Variants in CACNA2D4 observed in about 807,000 individuals in gnomAD.
The protein encoded by CACNA2D4 is calcium voltage-gated channel auxiliary subunit alpha2delta 4.
CACNA2D4 carries 157 observed loss-of-function variants against 163.8 expected under a neutral mutation model. The observed-to-expected ratio is 0.96, with a 90% CI of 0.84 to 1.09. The LOEUF (loss-of-function observed/expected upper bound fraction) is 1.09. CACNA2D4 is among the 50% of genes least tolerant of loss of function. CACNA2D4 has a pLI of 0.00. For missense variants in CACNA2D4, 1,410 were observed against 1,479.9 expected (o/e 0.95, Z 0.78); for synonymous variants, 598 against 586.9 (o/e 1.02, Z -0.27).
rs775588255 is a variant in CACNA2D4, at chr12:1,811,688, G to A, written c.2587C>T (p.Arg863Cys). The stretch of plus-strand genomic sequence containing the variant: ...TGCCGCGTTGCCGCCCAGAATTTGC[G>A]CTGGAGGAATTCCAGCTTCATTTGG... ...GVQMKLEFLQRKFWAATRQCS... is the reference protein window; with the variant it reads ...GVQMKLEFLQCKFWAATRQCS... Residue 863 changes from arginine to cysteine, a missense_variant, in exon 27 of 38, where the codon CGC becomes TGC. Physicochemically the swap from Arg to Cys is radical, Grantham distance 180. Coordinates refer to ENST00000382722, the MANE Select transcript of CACNA2D4 (RefSeq NM_172364.5). 45 of 1,560,620 alleles carry A rather than the reference G, an allele frequency of 2.9e-5. No individual in the cohort carries two copies. The South Asian group carries it at 4.1e-4, about 14-fold the overall frequency.
intron 23 of CACNA2D4, among the ~76,000 whole-genome samples, chr12:1,850,322 G>C (rs941456600): frequency 3.9e-5 from 6 of 152,136 alleles, no homozygotes; most frequent in African/African-American, 1.4e-4. Flanking sequence ...TTACATGTTA[G>C]GTTGAGCATT....
At chr12:1,914,402 G>C (rs1866909310) in intron 2 of CACNA2D4, among the ~76,000 whole-genome samples, 1 of 152,158 alleles carries the variant, frequency 6.6e-6, no homozygotes, top group Admixed American at 6.5e-5. Context: ...TGGCTCGGGG[G>C]CTGACAGCTG....
chr12:1,876,082 G>A lies in CACNA2D4; in HGVS notation c.1720-745C>T, dbSNP rs79439024. 8.7e-3 allele frequency among the ~76,000 whole-genome samples: 1,319 copies of A among 152,298 alleles called. 26 individuals carry two copies. Among genetic ancestry groups the A allele is most frequent in the African/African-American group, 0.03 (1,251 of 41,562 alleles). On this transcript the variant is annotated intron_variant, in intron 16 of 37. Coordinates refer to ENST00000382722, the MANE Select transcript of CACNA2D4 (RefSeq NM_172364.5). ...CACTGTCAGGTCCCTCTTCACAATCGTAAGCTTGGGCACTGAGTATTTCGC... is the reference window on the plus strand; with the variant it reads ...CACTGTCAGGTCCCTCTTCACAATCATAAGCTTGGGCACTGAGTATTTCGC...
Position 1,886,997 on chromosome 12 carries a change from G to C in CACNA2D4, c.842+12C>G, listed in dbSNP as rs748811703. The C allele has an allele frequency of 4.4e-6, 7 of 1,576,602 alleles. No individual in the cohort carries two copies. Among genetic ancestry groups the C allele is most frequent in the Middle Eastern group, 1.7e-4 (1 of 5,960 alleles). On this transcript the variant is annotated intron_variant, in intron 7 of 37. Coordinates refer to ENST00000382722, the MANE Select transcript of CACNA2D4 (RefSeq NM_172364.5). ...TACCCGGGCCGCAAACCTTTCCCCTGTGAGCTCTTACCAGCCGCGGTTTCG... is the reference window on the plus strand; with the variant it reads ...TACCCGGGCCGCAAACCTTTCCCCTCTGAGCTCTTACCAGCCGCGGTTTCG...
intron 29 of CACNA2D4, among the ~76,000 whole-genome samples, chr12:1,803,915 T>C (rs1263715995): frequency 6.6e-6 from 1 of 152,146 alleles, no homozygotes; most frequent in African/African-American, 2.4e-5. Flanking sequence ...CCTAAAGCCC[T>C]GGCAGGCTGC....
At chr12:1,832,361 C>T (rs1034100013) in intron 26 of CACNA2D4, among the ~76,000 whole-genome samples, 2 of 152,190 alleles carry the variant, frequency 1.3e-5, no homozygotes, top group African/African-American at 4.8e-5. Flanking sequence ...TGGCAATGCA[C>T]GGAACGTGGC....
At chr12:1,857,837 T>C (rs1865433373) in intron 20 of CACNA2D4, among the ~76,000 whole-genome samples, 1 of 152,138 alleles carries the variant, frequency 6.6e-6, no homozygotes, top group African/African-American at 2.4e-5. Flanking sequence ...TCTTTGGAAA[T>C]AGGGTCTTGG....
intron 18 of CACNA2D4, among the ~76,000 whole-genome samples, chr12:1,868,521 G>A: frequency 6.6e-6 from 1 of 151,472 alleles, no homozygotes; most frequent in East Asian, 1.9e-4. Context: ...GATTATCTAG[G>A]ATGACTAAGG....
chr12:1,847,386 A>G (rs1865169485), intron 23 of CACNA2D4, among the ~76,000 whole-genome samples: 3 of 152,220 alleles, frequency 2.0e-5, no homozygotes, highest in African/African-American at 7.2e-5. Context: ...TATAGTGAGC[A>G]TACAAAGTAG....
rs1555176997 is a variant in CACNA2D4, at chr12:1,820,246, C to CGGCGGGGCGGGG, written c.2552-8524_2552-8523insCCCCGCCCCGCC. 3.3e-5 allele frequency: 5 copies of CGGCGGGGCGGGG among 150,984 alleles called. No homozygotes were observed. Among genetic ancestry groups the CGGCGGGGCGGGG allele is most frequent in the African/African-American group, 1.2e-4 (5 of 40,346 alleles). 9.4% of individuals were successfully genotyped at this position (150,984 alleles called of 1,614,324 possible). A position where few individuals can be genotyped will look rare whatever the true frequency, so the allele number is the denominator to read the frequency against. On this transcript the variant is annotated intron_variant, in intron 26 of 37. Coordinates refer to ENST00000382722, the MANE Select transcript of CACNA2D4 (RefSeq NM_172364.5). This position sits in a 1 kb window ranked among gnomAD's most constrained non-coding sequence, Gnocchi z 6.0. ...GAGAGGCACAGAAGACAGGTGCAGC[C>CGGCGGGGCGGGG]GGGGGGGTGAGGGAGAGCCTGGAGG...
intron 12 of CACNA2D4, 56 bp downstream of exon 12, chr12:1,884,187 C>T: frequency 4.6e-6 from 7 of 1,531,028 alleles, no homozygotes; most frequent in Non-Finnish European, 6.3e-6. Flanking sequence ...GGCTGGGTAA[C>T]CCTGTCTCCT....
chr12:1,918,180 C>T (rs1308555056), intron 1 of CACNA2D4, 67 bp downstream of exon 1: 8 of 1,238,024 alleles, frequency 6.5e-6, no homozygotes, highest in African/African-American at 1.5e-5. Flanking sequence ...AGGATGGAGG[C>T]CCAGCCCGGG....
intron 6 of CACNA2D4, among the ~76,000 whole-genome samples, chr12:1,902,328 C>T (rs1400448778): frequency 6.6e-6 from 1 of 152,034 alleles, no homozygotes; most frequent in Non-Finnish European, 1.5e-5. Context: ...ACTTTCACCA[C>T]TTTCATTATT....
intron 26 of CACNA2D4, among the ~76,000 whole-genome samples, chr12:1,814,264 G>A (rs185790032): frequency 6.6e-6 from 1 of 152,122 alleles, no homozygotes; most frequent in African/African-American, 2.4e-5. Context: ...AGAGGGTGGG[G>A]GTGTAGGTGT....
Position 1,840,790 on chromosome 12 carries a change from C to T in CACNA2D4, c.2500G>A (p.Ala834Thr), listed in dbSNP as rs1388169171. 1.2e-6 allele frequency: 2 copies of T among 1,613,906 alleles called. No homozygotes were observed. The highest frequency in any genetic ancestry group is 1.6e-4 in the Middle Eastern group (1 of 6,062). The change falls in exon 26 of 38, where the codon GCA becomes ACA. Residue 834 changes from alanine (A) to threonine (T), a missense_variant. Ala to Thr is a moderately conservative substitution (Grantham distance 58, BLOSUM62 0). Transcript: ENST00000382722. ...ESAGEPMVVT[A>T]STAVAVTVDK... ...ACGGTCACCGCCACAGCTGTGCTTG[C>T]CGTCACCACCATGGGTTCACCCGCA...
intron 26 of CACNA2D4, among the ~76,000 whole-genome samples, chr12:1,840,521 G>A (rs892360941): frequency 2.0e-5 from 3 of 152,262 alleles, no homozygotes; most frequent in Admixed American, 2.0e-4. Flanking sequence ...TAGCCTCTCT[G>A]GGCTTCATTT....
chr12:1,877,468 CT>C (rs1195679915), intron 16 of CACNA2D4, among the ~76,000 whole-genome samples: 1 of 152,224 alleles, frequency 6.6e-6, no homozygotes, highest in Non-Finnish European at 1.5e-5. Flanking sequence ...CCTGATCTCT[CT>C]CTATTCAGAA....
chr12:1,816,715 A>C lies in CACNA2D4; in HGVS notation c.2552-4992T>G, dbSNP rs1863884706. On this transcript the variant is annotated intron_variant, in intron 26 of 37. Transcript: ENST00000382722. ...GTCACCTCGGTGCTGCTGTGTCATC[A>C]CAGAAGGCAAAACCAAACAACTGTG... 2.0e-5 allele frequency among the ~76,000 whole-genome samples: 3 copies of C among 152,340 alleles called. No homozygotes were observed. In the South Asian group the frequency reaches 6.2e-4, roughly 32 times the overall value.
intron 35 of CACNA2D4, among the ~76,000 whole-genome samples, chr12:1,796,436 AGAG>A (rs1269476850): frequency 3.3e-5 from 5 of 152,246 alleles, no homozygotes; most frequent in East Asian, 1.9e-4. Flanking sequence ...AATGGAGACT[AGAG>A]GAGGCGAAGT....
Sources: gnomAD v4.1 joint callset for allele counts (sites outside exome capture counted in the v4.1 genomes callset) on GRCh38, gnomAD v4.1.1 for gene constraint, Gnocchi (gnomAD v3.1) non-coding constraint, MANE v1.5 for transcripts, NCBI Gene and HGNC (gene_info 2026-07-23, HGNC 2026-07-21) for gene names.